UBE2Q2: variants seen among roughly 807,000 people sequenced by gnomAD.
UBE2Q2 encodes ubiquitin-conjugating enzyme E2 Q2.
UBE2Q2 carries 54 observed loss-of-function variants against 59.9 expected under a neutral mutation model. That is an observed-to-expected ratio of 0.90 (90% CI 0.72 to 1.13). The LOEUF (loss-of-function observed/expected upper bound fraction) is 1.13. UBE2Q2 is among the 50% of genes most tolerant of loss of function. UBE2Q2 has a pLI of 0.00. For synonymous variants in UBE2Q2, 165 were observed against 155.2 expected (o/e 1.06, Z -0.47); for missense variants, 433 against 441.9 (o/e 0.98, Z 0.18).
At chr15:75,851,698 G>A (rs1896642128) in intron 1 of UBE2Q2, among the ~76,000 whole-genome samples, 1 of 152,134 alleles carries the variant, frequency 6.6e-6, no homozygotes, top group Admixed American at 6.5e-5. Context: ...ATCCTTTCAA[G>A]TAAAAATGGT....
chr15:75,890,284 A>G, intron 9 of UBE2Q2, 151 bp from the exon 10 acceptor site: 1 of 587,078 alleles, frequency 1.7e-6, no homozygotes, highest in Non-Finnish European at 3.0e-6. Context: ...TAAATTACCC[A>G]TAGTCCTGTA....
Position 75,843,706 on chromosome 15 carries a change from G to C in UBE2Q2, c.40G>C (p.Ala14Pro), listed in dbSNP as rs886173894. ...GCTCAAGGCCGAGCTGAAGTTCCTGGCGTCCATCTTCGACAAGAACCACGA... is the reference window on the plus strand; with the variant it reads ...GCTCAAGGCCGAGCTGAAGTTCCTGCCGTCCATCTTCGACAAGAACCACGA... ...SGLKAELKFL[A>P]SIFDKNHERF... The change falls in exon 1 of 13, where the codon GCG becomes CCG. Residue 14 changes from alanine to proline, a missense_variant. Coordinates refer to ENST00000267938, the MANE Select transcript of UBE2Q2 (RefSeq NM_173469.4). The C allele has an allele frequency of 2.5e-6, 4 of 1,611,418 alleles. No homozygotes were observed. In the Admixed American group the frequency reaches 6.7e-5, roughly 27 times the overall value.
chr15:75,874,624 A>G (rs1897975396), intron 5 of UBE2Q2, among the ~76,000 whole-genome samples: 1 of 152,162 alleles, frequency 6.6e-6, no homozygotes, highest in East Asian at 1.9e-4. Flanking sequence ...CAGGATGTGA[A>G]AAGAACACTG....
chr15:75,890,842 T>C (rs775737987), intron 10 of UBE2Q2, 77 bp from the exon 11 acceptor site: 1 of 1,217,864 alleles, frequency 8.2e-7, no homozygotes. Flanking sequence ...TGTTGAGTTA[T>C]ATACCATTTT....
chr15:75,866,331 C>T (rs747973679), intron 3 of UBE2Q2, among the ~76,000 whole-genome samples: 14 of 151,938 alleles, frequency 9.2e-5, no homozygotes, highest in Admixed American at 3.3e-4. Context: ...GCACTGCCAC[C>T]GTGCATGGCT....
intron 5 of UBE2Q2, 145 bp from the exon 6 acceptor site, chr15:75,876,042 G>C (rs1898057465): frequency 2.9e-6 from 2 of 693,096 alleles, no homozygotes; most frequent in East Asian, 5.5e-5. Context: ...TCCAGCCTGG[G>C]TAACAGGGCT....
chr15:75,844,006 G>T, intron 1 of UBE2Q2, 160 bp downstream of exon 1: 1 of 1,411,254 alleles, frequency 7.1e-7, no homozygotes, highest in Non-Finnish European at 9.2e-7. Flanking sequence ...AGGCCGGGCT[G>T]GGACTGCGCG....
intron 1 of UBE2Q2, 65 bp downstream of exon 1, chr15:75,843,911 G>A (rs1896163824): frequency 8.2e-6 from 12 of 1,467,168 alleles, no homozygotes; most frequent in Middle Eastern, 2.4e-4. Context: ...TTCGAGTCCC[G>A]GGACAAAGGG....
At chr15:75,844,535 G>A in intron 1 of UBE2Q2, 4 of 1,538,726 alleles carry the variant, frequency 2.6e-6, no homozygotes, top group Non-Finnish European at 8.8e-7. Context: ...TGTAAGCCTC[G>A]AAAATGGATA....
chr15:75,890,412 A>G (rs1459438231), intron 9 of UBE2Q2, 23 bp from the exon 10 acceptor site: 1 of 1,578,298 alleles, frequency 6.3e-7, no homozygotes, highest in Non-Finnish European at 8.6e-7. Flanking sequence ...AGAATTTTGT[A>G]TGACTCCTTT....
chr15:75,852,617 G>A (rs1216275479), intron 1 of UBE2Q2, among the ~76,000 whole-genome samples: 2 of 152,178 alleles, frequency 1.3e-5, no homozygotes, highest in African/African-American at 4.8e-5. Flanking sequence ...CCTAAGTGTA[G>A]TTGCAGTTTC....
intron 1 of UBE2Q2, 62 bp downstream of exon 1, chr15:75,843,908 C>T (rs1290307942): frequency 5.4e-6 from 8 of 1,479,960 alleles, no homozygotes; most frequent in African/African-American, 1.5e-5. Context: ...CGCTTCGAGT[C>T]CCGGGACAAA....
At chr15:75,877,183 A>AAG (rs1555422255) in intron 6 of UBE2Q2, among the ~76,000 whole-genome samples, 5 of 148,712 alleles carry the variant, frequency 3.4e-5, no homozygotes, top group Middle Eastern at 3.3e-3. Context: ...AAAAAAAAAA[A>AAG]GGGTTATGAC....
chr15:75,856,293 A>ATATATATATATATATATATATATAT (rs1896913041), intron 2 of UBE2Q2, among the ~76,000 whole-genome samples: 1 of 139,200 alleles, frequency 7.2e-6, no homozygotes, highest in African/African-American at 2.8e-5. Context: ...ATATATATAT[A>ATATATATATATATATATATATATAT]ATGAATTTCA....
At chr15:75,889,610 C>T (rs756166942) in intron 9 of UBE2Q2, among the ~76,000 whole-genome samples, 4 of 152,016 alleles carry the variant, frequency 2.6e-5, no homozygotes, top group South Asian at 2.1e-4. Context: ...GGCAGAGCCC[C>T]GGAGGACAGA....
In UBE2Q2 at chr15:75,861,099, T is replaced by C. The variant is rs568091307; in HGVS notation, c.387+1117T>C. On this transcript the variant is annotated intron_variant, in intron 3 of 12. Coordinates refer to ENST00000267938, the MANE Select transcript of UBE2Q2 (RefSeq NM_173469.4). Reference sequence around the variant, plus strand: ...CAAAATGGGGGAACCAGTAATAATATTAGTACCTATGTTTTGGGGGAACTA... The same window carrying C: ...CAAAATGGGGGAACCAGTAATAATACTAGTACCTATGTTTTGGGGGAACTA... 3.4e-4 allele frequency among the ~76,000 whole-genome samples: 52 copies of C among 152,330 alleles called. 1 individual carries two copies. In the South Asian group the frequency reaches 9.9e-3, roughly 29 times the overall value.
chr15:75,847,801 A>G (rs1164239048), intron 1 of UBE2Q2, among the ~76,000 whole-genome samples: 1 of 151,986 alleles, frequency 6.6e-6, no homozygotes, highest in Non-Finnish European at 1.5e-5. Context: ...AGAATGAAAA[A>G]TCTCCCCCAG....
chr15:75,855,491 A>C (rs921130718), intron 2 of UBE2Q2, among the ~76,000 whole-genome samples: 37 of 106,402 alleles, frequency 3.5e-4, no homozygotes, highest in African/African-American at 1.0e-3. Context: ...ACTCCATCTC[A>C]AAAAAAAAAA....
intron 9 of UBE2Q2, among the ~76,000 whole-genome samples, chr15:75,886,001 TGA>T (rs55982839): frequency 0.2 from 29,995 of 152,150 alleles, 3,349 homozygotes; most frequent in Admixed American, 0.29. Context: ...TTTCTCTTGC[TGA>T]CACCACCAGT....
Sources: allele counts gnomAD v4.1 joint callset (sites outside exome capture counted in the v4.1 genomes callset), GRCh38; gene constraint gnomAD v4.1.1; transcripts MANE v1.5; gene names NCBI Gene and HGNC (gene_info 2026-07-23, HGNC 2026-07-21).